Variants in JPT1 observed in about 807,000 individuals in gnomAD.
JPT1 encodes the protein Jupiter microtubule associated homolog 1.
A neutral mutation model predicts 17.0 loss-of-function variants in JPT1; 5 were observed. The observed-to-expected ratio is 0.29, with a 90% CI of 0.15 to 0.62. The LOEUF is 0.62. JPT1 is among the 20% of genes least tolerant of loss of function. The pLI is 0.85. For synonymous variants in JPT1, 71 were observed against 73.6 expected, an observed-to-expected ratio of 0.96 and a Z score of 0.18; for missense variants, 158 against 188.1, an observed-to-expected ratio of 0.84 and a Z score of 0.94.
chr17:75,138,051 G>A (rs2074241142), intron 4 of JPT1, among the ~76,000 whole-genome samples: 1 of 152,046 alleles, frequency 6.6e-6, no homozygotes, highest in Non-Finnish European at 1.5e-5. Flanking sequence ...GTGCCTCCCG[G>A]GTTCAAGCAA....
At chr17:75,138,932 T>C (rs2074259057) in intron 4 of JPT1, among the ~76,000 whole-genome samples, 2 of 152,212 alleles carry the variant, frequency 1.3e-5, no homozygotes, top group African/African-American at 4.8e-5. Context: ...TGTTCTATAC[T>C]ATTTAACTAC....
rs533037909 is a variant in JPT1 at position 75,135,974 on chromosome 17, AAGAC to A, written c.*124_*127del. ...CCTGTTCTTCAAAAGAAAAAAAAAA[AAGAC>A]AGCAGTACATAAAGTGCTTCTTTTT... On this transcript the variant is annotated 3_prime_UTR_variant, in exon 5 of 5. Transcript: ENST00000409753. The A allele has an allele frequency of 2.7e-4, 425 of 1,567,208 alleles. No individual in the cohort carries two copies. In the East Asian group the frequency reaches 7.5e-3, roughly 28 times the overall value.
chr17:75,153,680 G>A (rs1442750251), intron 1 of JPT1: 1 of 152,380 alleles, frequency 6.6e-6, no homozygotes, highest in East Asian at 1.9e-4. Context: ...CTTGGAAGAG[G>A]GGAGGCACTT....
intron 1 of JPT1, chr17:75,149,242 G>A (rs1449897910): frequency 5.4e-6 from 2 of 372,602 alleles, no homozygotes; most frequent in Non-Finnish European, 1.1e-5. Flanking sequence ...TGTGGTCCCA[G>A]CTACACTGGA....
chr17:75,146,810 A>G, intron 3 of JPT1, 126 bp from the exon 4 acceptor site: 1 of 672,762 alleles, frequency 1.5e-6, no homozygotes. Context: ...GTTGCAATCA[A>G]GCACAGGGTC....
At chr17:75,152,259 C>CA (rs1305612924) in intron 1 of JPT1, among the ~76,000 whole-genome samples, 3 of 152,140 alleles carry the variant, frequency 2.0e-5, no homozygotes, top group Non-Finnish European at 2.9e-5. Context: ...TAAGACTGAA[C>CA]AAAAATGTGT....
At chr17:75,141,989 A>G (rs1162904838) in intron 4 of JPT1, among the ~76,000 whole-genome samples, 1 of 151,928 alleles carries the variant, frequency 6.6e-6, no homozygotes, top group Admixed American at 6.6e-5. Flanking sequence ...GAATCGCTTG[A>G]ACCTGGGAGG....
Position 75,149,484 on chromosome 17 carries a change from C to G in JPT1, c.57-813G>C, listed in dbSNP as rs142607544. ...CCGGGTTCACGCCATTCACCTGCCT[C>G]AGCCTCCCGGATAGCTGGGACTACA... is the stretch of plus-strand genomic sequence containing the variant. On this transcript the variant is annotated intron_variant, in intron 1 of 4. Coordinates refer to ENST00000409753, the MANE Select transcript of JPT1 (RefSeq NM_016185.4). Among the ~76,000 whole-genome samples, 1,268 of 152,276 alleles carry G rather than the reference C, an allele frequency of 8.3e-3. 9 individuals are homozygous for G. Among genetic ancestry groups the G allele is most frequent in the Non-Finnish European group, 0.015 (1,003 of 68,020 alleles).
Position 75,148,618 on chromosome 17 carries a change from G to A in JPT1, c.110C>T (p.Pro37Leu), listed in dbSNP as rs1282588207. The change falls in exon 2 of 5, where the codon CCA (proline) becomes CTA (leucine). Residue 37 changes from proline (P) to leucine (L), a missense_variant. Pro to Leu is a moderately conservative substitution (Grantham distance 98, BLOSUM62 -3). Transcript: ENST00000409753. ...GTTCTTCCTCACAGGTTGTTCTGTTGGTTCATCAAAACCTAATGAAAAATT... is the reference window on the plus strand; with the variant it reads ...GTTCTTCCTCACAGGTTGTTCTGTTAGTTCATCAAAACCTAATGAAAAATT... Reference protein sequence around the residue: ...GSNFSLGFDEPTEQPVRKNKM... With the variant: ...GSNFSLGFDELTEQPVRKNKM... The A allele has an allele frequency of 1.2e-6, 2 of 1,614,072 alleles. No individual in the cohort carries two copies. Among genetic ancestry groups the A allele is most frequent in the Non-Finnish European group, 1.7e-6 (2 of 1,179,980 alleles).
Position 75,141,691 on chromosome 17 carries a change from C to T in JPT1, c.316+4975G>A, listed in dbSNP as rs563734206. On this transcript the variant is annotated intron_variant, in intron 4 of 4. Coordinates refer to ENST00000409753, the MANE Select transcript of JPT1 (RefSeq NM_016185.4). The stretch of plus-strand genomic sequence containing the variant: ...AAAACAACAACAGGTAACCAGATAA[C>T]CACTGGGGGGAAAAAGAAAGGACTT... Among the ~76,000 whole-genome samples the T allele has an allele frequency of 2.0e-5, 3 of 151,798 alleles. No individual in the cohort carries two copies. The South Asian group carries it at 6.3e-4, about 32-fold the overall frequency.
chr17:75,136,885 C>T (rs2074208943), intron 4 of JPT1, among the ~76,000 whole-genome samples: 1 of 152,198 alleles, frequency 6.6e-6, no homozygotes, highest in South Asian at 2.1e-4. Flanking sequence ...TCCCAGAGGT[C>T]CCACTGCAAG....
intron 4 of JPT1, among the ~76,000 whole-genome samples, chr17:75,141,786 G>A (rs1320994821): frequency 1.3e-5 from 2 of 151,894 alleles, no homozygotes; most frequent in East Asian, 3.9e-4. Context: ...AAAATTAGTT[G>A]AGCGAGGCTG....
chr17:75,136,916 C>T (rs1400993681), intron 4 of JPT1, among the ~76,000 whole-genome samples: 1 of 152,186 alleles, frequency 6.6e-6, no homozygotes, highest in African/African-American at 2.4e-5. Context: ...CCTTCTAGTC[C>T]ACTTGTTTTA....
intron 1 of JPT1, among the ~76,000 whole-genome samples, chr17:75,150,254 TTTTC>T (rs1175458477): frequency 6.6e-6 from 1 of 151,678 alleles, no homozygotes; most frequent in Non-Finnish European, 1.5e-5. Context: ...CTTTTTTTTC[TTTTC>T]TTTTTTTTTT....
At chr17:75,143,867 G>A (rs1008513591) in intron 4 of JPT1, among the ~76,000 whole-genome samples, 22 of 151,792 alleles carry the variant, frequency 1.4e-4, no homozygotes, top group Non-Finnish European at 1.5e-5. Flanking sequence ...TCTCCATCTC[G>A]AGAAAAAAAA....
intron 1 of JPT1, among the ~76,000 whole-genome samples, chr17:75,151,584 C>T (rs2074553617): frequency 6.6e-6 from 1 of 152,040 alleles, no homozygotes; most frequent in East Asian, 1.9e-4. Context: ...ATCGCTTGAA[C>T]CCGGGAGGCA....
intron 4 of JPT1, among the ~76,000 whole-genome samples, chr17:75,144,140 A>C (rs549742920): frequency 6.6e-6 from 1 of 152,282 alleles, no homozygotes; most frequent in South Asian, 2.1e-4. Context: ...CCCAACTCCA[A>C]GGTACAGGAG....
Position 75,154,393 on chromosome 17 carries a change from G to C in JPT1, c.5C>G (p.Thr2Ser), listed in dbSNP as rs1436868819. Residue 2 changes from threonine (T) to serine (S), a missense_variant, in exon 1 of 5, where the codon ACC becomes AGC. Thr to Ser is a moderately conservative substitution (Grantham distance 58). Transcript: ENST00000409753. ...GACTCCCTTGAAGGTGGTGGTTGTG[G>C]TCATGGCGCCGAGGAGCGAGGTAGG... The part of the protein sequence containing the change: M[T>S]TTTTFKGVDP... The C allele has an allele frequency of 6.5e-7, 1 of 1,548,872 alleles. No individual in the cohort carries two copies.
In JPT1 at chr17:75,147,634, GCCA is replaced by G. The variant is rs753635696; in HGVS notation, c.216_218del (p.Gly73del). 9 of 1,613,004 alleles carry G rather than the reference GCCA, an allele frequency of 5.6e-6. No homozygotes were observed. Among genetic ancestry groups the G allele is most frequent in the Non-Finnish European group, 6.8e-6 (8 of 1,179,206 alleles). The stretch of plus-strand genomic sequence containing the variant: ...GTCCAGATGACTCCAAGTCTTCCCT[GCCA>G]CCACTAGACTTGGCACCTAAAAATC... On this transcript the variant is annotated inframe_deletion, in exon 3 of 5. Transcript: ENST00000409753.
Sources: allele counts gnomAD v4.1 joint callset (sites outside exome capture counted in the v4.1 genomes callset), GRCh38; gene constraint gnomAD v4.1.1; transcripts MANE v1.5; gene names NCBI Gene and HGNC (gene_info 2026-07-23, HGNC 2026-07-21).